DET1: variants seen among roughly 807,000 people sequenced by gnomAD.
DET1 encodes the protein DET1 homolog.
DET1 carries 22 observed loss-of-function variants against 43.7 expected under a neutral mutation model. The ratio of observed to expected loss-of-function variants is 0.50; its 90% CI spans 0.36 to 0.72. The LOEUF is 0.72. Ranked by LOEUF, DET1 falls within the 30% of genes least tolerant of loss-of-function variation. The probability of loss-of-function intolerance (pLI) is 0.00; values close to 1 mark genes in which losing one functional copy is unlikely to be tolerated. For missense variants in DET1, 713 were observed against 713.3 expected (o/e 1.00, Z 0.00); for synonymous variants, 315 against 266.2 (o/e 1.18, Z -1.79).
chr15:88,514,832 T>C (rs560302223), intron 4 of DET1, among the ~76,000 whole-genome samples: 1 of 152,282 alleles, frequency 6.6e-6, no homozygotes, highest in East Asian at 1.9e-4. Flanking sequence ...AAATTAAAAA[T>C]ATAAAGAAGA....
intron 1 of DET1, among the ~76,000 whole-genome samples, chr15:88,542,260 C>T (rs979030349): frequency 2.6e-5 from 4 of 152,076 alleles, no homozygotes; most frequent in Non-Finnish European, 5.9e-5. Flanking sequence ...TAGAGACCTC[C>T]TGGAGGAGGT....
intron 1 of DET1, among the ~76,000 whole-genome samples, chr15:88,537,366 G>A (rs535455288): frequency 6.6e-6 from 1 of 152,212 alleles, no homozygotes; most frequent in African/African-American, 2.4e-5. Context: ...TCACCTCCTG[G>A]ATTTTTTGGG....
chr15:88,528,437 T>C (rs565584406), intron 2 of DET1, among the ~76,000 whole-genome samples: 1 of 152,356 alleles, frequency 6.6e-6, no homozygotes, highest in African/African-American at 2.4e-5. Flanking sequence ...ATAGGCGTTT[T>C]CCACTTTTTT....
intron 1 of DET1, among the ~76,000 whole-genome samples, chr15:88,540,605 T>A (rs576420651): frequency 2.6e-5 from 4 of 151,770 alleles, no homozygotes; most frequent in African/African-American, 9.7e-5. Flanking sequence ...TAGAAAGAAG[T>A]AGACATAGGA....
chr15:88,504,669 T>C lies in DET1; in HGVS notation c.*2066-682A>G, dbSNP rs891220739. 3 of 152,232 alleles carry C rather than the reference T, an allele frequency of 2.0e-5. No homozygotes were observed. The highest frequency in any genetic ancestry group is 4.2e-4 in the South Asian group (2 of 4,818). 9.4% of individuals were successfully genotyped at this position (152,232 alleles called of 1,614,324 possible). On this transcript the variant is annotated intron_variant and NMD_transcript_variant, in intron 7 of 8. Transcript: ENST00000557842. The surrounding 1 kb of genome is among the most constrained non-coding windows in gnomAD (Gnocchi z 4.7). The stretch of plus-strand genomic sequence containing the variant: ...AGCCCACACCTCAAGCACCTTTTTA[T>C]AGGGCTCTCACACTCAGCCCTAATC...
intron 3 of DET1, among the ~76,000 whole-genome samples, chr15:88,522,082 A>G (rs1598324831): frequency 6.6e-6 from 1 of 152,206 alleles, no homozygotes; most frequent in East Asian, 1.9e-4. Context: ...TATTTACACC[A>G]TATAGATAAA....
intron 1 of DET1, among the ~76,000 whole-genome samples, chr15:88,539,614 G>A (rs1268734163): frequency 6.6e-6 from 1 of 152,110 alleles, no homozygotes; most frequent in Non-Finnish European, 1.5e-5. Context: ...AAGACGTCTG[G>A]GTAAAAACTT....
At chr15:88,514,177 G>T (rs2056280429) in intron 4 of DET1, among the ~76,000 whole-genome samples, 1 of 152,090 alleles carries the variant, frequency 6.6e-6, no homozygotes, top group Non-Finnish European at 1.5e-5. Flanking sequence ...CTTCTAATAT[G>T]TGAGACTAAA....
intron 3 of DET1, among the ~76,000 whole-genome samples, chr15:88,518,293 T>A (rs976723634): frequency 6.6e-6 from 1 of 152,032 alleles, no homozygotes; most frequent in African/African-American, 2.4e-5. Flanking sequence ...TTCTGGAAAT[T>A]TACCCTAAGG....
intron 2 of DET1, among the ~76,000 whole-genome samples, chr15:88,528,596 C>T (rs1204431229): frequency 1.3e-5 from 2 of 152,140 alleles, no homozygotes; most frequent in African/African-American, 4.8e-5. Context: ...GGTGGCTAGC[C>T]CTCTTCCTTT....
intron 4 of DET1, among the ~76,000 whole-genome samples, chr15:88,514,233 A>G (rs993978823): frequency 2.0e-5 from 3 of 152,220 alleles, no homozygotes; most frequent in African/African-American, 7.2e-5. Flanking sequence ...GCCATATGCA[A>G]AATAAATGTC....
intron 3 of DET1, among the ~76,000 whole-genome samples, chr15:88,521,517 C>T (rs1042831711): frequency 1.3e-5 from 2 of 152,178 alleles, no homozygotes. Flanking sequence ...TTGCCTCTCT[C>T]CAGTGTCAGA....
chr15:88,530,559 CAG>C, intron 2 of DET1, 62 bp downstream of exon 2: 5 of 1,524,738 alleles, frequency 3.3e-6, no homozygotes, highest in Non-Finnish European at 4.4e-6. Flanking sequence ...TATAAACAAA[CAG>C]AGAAACCTTC....
chr15:88,524,714 G>A (rs912377916), intron 3 of DET1, among the ~76,000 whole-genome samples: 3 of 152,156 alleles, frequency 2.0e-5, no homozygotes, highest in Admixed American at 1.3e-4. Flanking sequence ...TAAGGGCGGT[G>A]CAAGATGTGC....
At chr15:88,544,337 G>C (rs2057190271) in intron 1 of DET1, among the ~76,000 whole-genome samples, 1 of 152,192 alleles carries the variant, frequency 6.6e-6, no homozygotes, top group African/African-American at 2.4e-5. Flanking sequence ...CTTAGAGTAA[G>C]GTGCACCCTT....
chr15:88,511,975 C>T (rs991232581), downstream of DET1, among the ~76,000 whole-genome samples: 1 of 152,156 alleles, frequency 6.6e-6, no homozygotes, highest in African/African-American at 2.4e-5. Context: ...ATACATTATG[C>T]AGATGAAACA....
intron 1 of DET1, among the ~76,000 whole-genome samples, chr15:88,534,435 C>A (rs1170072893): frequency 6.6e-6 from 1 of 152,188 alleles, no homozygotes; most frequent in Non-Finnish European, 1.5e-5. Context: ...TCCCCTGGTT[C>A]TCCTGCTGCT....
At chr15:88,522,686 A>AT (rs1004522904) in intron 3 of DET1, among the ~76,000 whole-genome samples, 16 of 147,798 alleles carry the variant, frequency 1.1e-4, no homozygotes, top group East Asian at 2.0e-4. Context: ...TTTTTTTTGT[A>AT]TTTTTTTTTA....
intron 1 of DET1, among the ~76,000 whole-genome samples, chr15:88,540,119 G>GA (rs2057065510): frequency 6.6e-6 from 1 of 151,888 alleles, no homozygotes; most frequent in Non-Finnish European, 1.5e-5. Flanking sequence ...GTGTCTCCAG[G>GA]ACTTGGCTCT....
Sources: gnomAD v4.1 joint callset for allele counts (sites outside exome capture counted in the v4.1 genomes callset) on GRCh38, gnomAD v4.1.1 for gene constraint, Gnocchi (gnomAD v3.1) non-coding constraint, MANE v1.5 for transcripts, NCBI Gene and HGNC (gene_info 2026-07-23, HGNC 2026-07-21) for gene names.